The following ZNF200 variants were observed in gnomAD, a reference collection of about 807,000 sequenced individuals.
The protein encoded by ZNF200 is zinc finger protein 200.
Under a neutral mutation model 33.6 loss-of-function variants are expected in ZNF200, and 35 were observed. That is an observed-to-expected ratio of 1.04 (90% CI 0.80 to 1.38). The LOEUF (loss-of-function observed/expected upper bound fraction) is 1.38, where lower values mean the gene tolerates loss of function less well. ZNF200 is among the 40% of genes most tolerant of loss of function. The pLI, the probability that ZNF200 is intolerant of heterozygous loss-of-function variation, is 0.00. For synonymous variants in ZNF200, 209 were observed against 167.7 expected (o/e 1.25, Z -1.90); for missense variants, 592 against 470.6 (o/e 1.26, Z -2.39).
rs762425475 is a variant in ZNF200 at position 3,223,942 on chromosome 16, T to A, written c.1138A>T (p.Thr380Ser). 1 of 1,614,044 alleles carries A rather than the reference T, an allele frequency of 6.2e-7. No individual in the cohort carries two copies. The highest frequency in any genetic ancestry group is 8.5e-7 in the Non-Finnish European group (1 of 1,179,998). ...GCTGAGTGGGTTTTCTCATGCCGGG[T>A]ACAGTTTGACAGCCGACCAAATCTT... Reference protein sequence around the residue: ...GRRFGRLSNCTRHEKTHSACK... With the variant: ...GRRFGRLSNCSRHEKTHSACK... Residue 380 changes from threonine (T) to serine (S), a missense_variant, in exon 5 of 5, where the codon ACC (threonine) becomes TCC (serine). Physicochemically the swap from Thr to Ser is moderately conservative, Grantham distance 58. Transcript: ENST00000414144.
rs1021390507 is a variant in ZNF200, at chr16:3,223,784, G to C, written c.*108C>G. On this transcript the variant is annotated 3_prime_UTR_variant, in exon 5 of 5. Transcript: ENST00000414144. ...GCATTTATCCAATTTTGGCAATAATGAGATTTTTACACATTTATACCTTTT... is the reference window on the plus strand; with the variant it reads ...GCATTTATCCAATTTTGGCAATAATCAGATTTTTACACATTTATACCTTTT... The C allele has an allele frequency of 1.1e-4, 164 of 1,448,628 alleles. No individual in the cohort carries two copies. Among genetic ancestry groups the C allele is most frequent in the Non-Finnish European group, 1.4e-4 (158 of 1,097,054 alleles). 89.7% of individuals were successfully genotyped at this position (1,448,628 alleles called of 1,614,324 possible).
chr16:3,223,908 G>A lies in ZNF200; in HGVS notation c.1172C>T (p.Thr391Ile), dbSNP rs1227535165. The change falls in exon 5 of 5, where the codon ACC becomes ATC. Residue 391 changes from threonine to isoleucine, a missense_variant. Coordinates refer to ENST00000414144, the MANE Select transcript of ZNF200 (RefSeq NM_198088.3). ...TTCCCAGTATTACTTCTGCTTTCGGGTCTTACAGGCTGAGTGGGTTTTCTC... is the reference window on the plus strand; with the variant it reads ...TTCCCAGTATTACTTCTGCTTTCGGATCTTACAGGCTGAGTGGGTTTTCTC... ...RHEKTHSACKTRKQK is the reference protein window; with the variant it reads ...RHEKTHSACKIRKQK 3 of 1,612,020 alleles carry A rather than the reference G, an allele frequency of 1.9e-6. No homozygotes were observed. The highest frequency in any genetic ancestry group is 1.1e-5 in the South Asian group (1 of 90,862).
intron 4 of ZNF200, among the ~76,000 whole-genome samples, chr16:3,228,809 G>C (rs1161619000): frequency 1.3e-5 from 2 of 152,030 alleles, no homozygotes; most frequent in African/African-American, 4.8e-5. Context: ...ATGGGGACTG[G>C]ATTTCAACAC....
At chr16:3,231,119 G>A (rs778949286) in intron 4 of ZNF200, among the ~76,000 whole-genome samples, 9 of 152,182 alleles carry the variant, frequency 5.9e-5, no homozygotes, top group Admixed American at 2.6e-4. Flanking sequence ...ACGGGTGGAG[G>A]AAGTGGGGAA....
chr16:3,224,491 G>C lies in ZNF200; in HGVS notation c.589C>G (p.Pro197Ala), dbSNP rs1596333089. Residue 197 changes from proline (P) to alanine (A), a missense_variant, in exon 5 of 5, where the codon CCC becomes GCC. Pro to Ala is a conservative substitution (Grantham distance 27). Transcript: ENST00000414144. ...AGTCGTTCCTTTTCCTGGTTATCGG[G>C]AGGCTGCTGAGAGACCAAGGAAGAA... ...MDSSLVSQQPPDNQEKERLNT... is the reference protein window; with the variant it reads ...MDSSLVSQQPADNQEKERLNT... 6.2e-7 allele frequency: 1 copy of C among 1,614,046 alleles called. No individual in the cohort carries two copies.
chr16:3,224,702 C>A, intron 4 of ZNF200, 89 bp from the exon 5 acceptor site: 1 of 1,478,392 alleles, frequency 6.8e-7, no homozygotes, highest in Non-Finnish European at 9.0e-7. Flanking sequence ...GCCACAGCCA[C>A]CTTGAACGTC....
Position 3,224,886 on chromosome 16 carries a change from T to C in ZNF200, c.467-273A>G, listed in dbSNP as rs1958427808. 5 of 412,786 alleles carry C rather than the reference T, an allele frequency of 1.2e-5. 1 individual carries two copies. Among genetic ancestry groups the C allele is most frequent in the Admixed American group, 8.2e-5 (2 of 24,388 alleles). The allele number at this position is 412,786 out of a possible 1,614,324, so 25.6% of individuals were successfully genotyped here. On this transcript the variant is annotated intron_variant, in intron 4 of 4. Transcript: ENST00000414144. ...TGTTTGTTCTCTTCATAGGTGTTAA[T>C]TACTCGACAAGTTCATATTCACCTT...
In ZNF200 at chr16:3,224,607, T is replaced by A; in HGVS notation, c.473A>T (p.Asn158Ile). Residue 158 changes from asparagine (N) to isoleucine (I), a missense_variant, in exon 5 of 5, where the codon AAT becomes ATT. By Grantham distance (149) the Asn-to-Ile change is moderately radical. Coordinates refer to ENST00000414144, the MANE Select transcript of ZNF200 (RefSeq NM_198088.3). Reference protein sequence around the residue: ...SVGEMMLLAVNGSNPEGEDPE... With the variant: ...SVGEMMLLAVIGSNPEGEDPE... ...ATCTTCACCTTCAGGATTACTGCCA[T>A]TGACTGCTGAAACAAAGAGAGAATT... 6.3e-7 allele frequency: 1 copy of A among 1,587,972 alleles called. No homozygotes were observed. The highest frequency in any genetic ancestry group is 2.3e-5 in the East Asian group (1 of 44,442).
Position 3,223,840 on chromosome 16 carries a change from G to C in ZNF200, c.*52C>G. 1 of 1,530,788 alleles carries C rather than the reference G, an allele frequency of 6.5e-7. No individual in the cohort carries two copies. The highest frequency in any genetic ancestry group is 8.7e-7 in the Non-Finnish European group (1 of 1,143,928). The allele number at this position is 1,530,788 out of a possible 1,614,324, so 94.8% of individuals were successfully genotyped here. ...AGCTTGGGAATTCAGAACTACTTAT[G>C]AAAGCTCTCAGGTTGAGGCAGCACC... is the stretch of plus-strand genomic sequence containing the variant. On this transcript the variant is annotated 3_prime_UTR_variant, in exon 5 of 5. Transcript: ENST00000414144.
intron 4 of ZNF200, chr16:3,225,407 T>G (rs371031212): frequency 6.5e-6 from 1 of 152,688 alleles, no homozygotes; most frequent in Non-Finnish European, 1.5e-5. Flanking sequence ...ATCGCGCCAT[T>G]GCACTCCAGC....
intron 4 of ZNF200, among the ~76,000 whole-genome samples, chr16:3,229,863 C>CAA: frequency 7.0e-6 from 1 of 143,830 alleles, no homozygotes; most frequent in South Asian, 2.2e-4. Context: ...GACTCCGTCT[C>CAA]AAAAAAAAAA....
chr16:3,233,869 G>A (rs759025000), intron 1 of ZNF200, 33 bp from the exon 2 acceptor site: 12 of 1,490,022 alleles, frequency 8.1e-6, no homozygotes, highest in Non-Finnish European at 1.1e-5. Flanking sequence ...TTACCCAAAA[G>A]ACCAGGCACG....
intron 4 of ZNF200, among the ~76,000 whole-genome samples, chr16:3,228,285 G>A (rs1958528202): frequency 6.6e-6 from 1 of 151,914 alleles, no homozygotes; most frequent in Admixed American, 6.6e-5. Context: ...TCCCATGAGA[G>A]TACTTAAGAC....
At position 3,232,539 on chromosome 16, in the gene ZNF200, C is replaced by T; in HGVS notation, c.348G>A (p.Val116=). ...GAAATACATTCAAATCCTCAAAGACCACCAGCTCCTGAAAGAGCAAGAGGC... is the reference window on the plus strand; with the variant it reads ...GAAATACATTCAAATCCTCAAAGACTACCAGCTCCTGAAAGAGCAAGAGGC... ...LYLKANPEEL[V]VFEDLNVFHC... The change falls in exon 4 of 5, where the codon GTG becomes GTA. Residue 116 remains valine, a synonymous_variant. Coordinates refer to ENST00000414144, the MANE Select transcript of ZNF200 (RefSeq NM_198088.3). 1.2e-6 allele frequency: 2 copies of T among 1,613,728 alleles called. No homozygotes were observed. The highest frequency in any genetic ancestry group is 1.7e-6 in the Non-Finnish European group (2 of 1,179,974).
chr16:3,228,026 G>A (rs1479795889), intron 4 of ZNF200, among the ~76,000 whole-genome samples: 1 of 133,214 alleles, frequency 7.5e-6, no homozygotes, highest in Non-Finnish European at 1.6e-5. Flanking sequence ...TGTCTCCCTA[G>A]CCAAAAACAT....
rs539585480 is a variant in ZNF200 at position 3,224,444 on chromosome 16, T to C, written c.636A>G (p.Lys212=). Residue 212 remains lysine (K), a synonymous_variant, in exon 5 of 5, where the codon AAA becomes AAG. Coordinates refer to ENST00000414144, the MANE Select transcript of ZNF200 (RefSeq NM_198088.3). ...KERLNTSIPQ[K]RKMRNLLVTI... ...TAACTAACAGATTTCTCATTTTCCT[T>C]TTTTGTGGAATGGATGTATTTAGTC... The C allele has an allele frequency of 6.2e-7, 1 of 1,614,200 alleles. No homozygotes were observed. The highest frequency in any genetic ancestry group is 1.1e-5 in the South Asian group (1 of 91,084).
rs576889295 is a variant in ZNF200 at position 3,232,838 on chromosome 16, G to T, written c.334C>A (p.Pro112Thr). Residue 112 changes from proline to threonine, a missense_variant, in exon 3 of 5, where the codon CCT becomes ACT. Pro to Thr is a conservative substitution (Grantham distance 38, BLOSUM62 -1). Transcript: ENST00000414144. Reference sequence around the variant, plus strand: ...AATGGGAAAACCAAACCCACCTCAGGGTTAGCTTTCAAATACAGAGACACT... The same window carrying T: ...AATGGGAAAACCAAACCCACCTCAGTGTTAGCTTTCAAATACAGAGACACT... The part of the protein sequence containing the change: ...ETVSLYLKAN[P>T]EELVVFEDLN... 3.7e-6 allele frequency: 6 copies of T among 1,613,778 alleles called. No homozygotes were observed. The highest frequency in any genetic ancestry group is 5.1e-6 in the Non-Finnish European group (6 of 1,179,786).
chr16:3,232,375 T>C (rs972667171), intron 4 of ZNF200, 46 bp downstream of exon 4: 1 of 1,597,758 alleles, frequency 6.3e-7, no homozygotes, highest in African/African-American at 1.3e-5. Flanking sequence ...GGACATGCTT[T>C]TCCCAAAGCA....
Position 3,223,475 on chromosome 16 carries a change from A to C in ZNF200, c.*417T>G, listed in dbSNP as rs1036205238. 1 of 158,756 alleles carries C rather than the reference A, an allele frequency of 6.3e-6. No homozygotes were observed. The highest frequency in any genetic ancestry group is 2.4e-5 in the African/African-American group (1 of 41,646). 9.8% of individuals were successfully genotyped at this position (158,756 alleles called of 1,614,324 possible). On this transcript the variant is annotated 3_prime_UTR_variant, in exon 5 of 5. Coordinates refer to ENST00000414144, the MANE Select transcript of ZNF200 (RefSeq NM_198088.3). ...TAATTTGGTTCTTTCACCAGAACAC[A>C]GTTCCAGATAAGCATCTTTGCACTA... is the stretch of plus-strand genomic sequence containing the variant.
Sources: gnomAD v4.1 joint callset for allele counts (sites outside exome capture counted in the v4.1 genomes callset) on GRCh38, gnomAD v4.1.1 for gene constraint, MANE v1.5 for transcripts, NCBI Gene and HGNC (gene_info 2026-07-23, HGNC 2026-07-21) for gene names.